The following NHLH1 variants were observed in gnomAD, a reference collection of about 807,000 sequenced individuals.
NHLH1 encodes the protein helix-loop-helix protein 1.
A neutral mutation model predicts 6.7 loss-of-function variants in NHLH1; 3 were observed. That is an observed-to-expected ratio of 0.44 (90% confidence interval 0.20 to 1.15). NHLH1 has a LOEUF of 1.15. NHLH1 is among the 50% of genes most tolerant of loss of function. NHLH1 has a pLI of 0.26. For synonymous variants in NHLH1, 92 were observed against 84.2 expected (o/e 1.09, Z -0.51); for missense variants, 177 against 189.5 (o/e 0.93, Z 0.39).
rs1649618775 is a variant in NHLH1 at position 160,371,192 on chromosome 1, T to G, written c.*59T>G. ...GGGGCCCCTTTCCACCGCTCACTGC[T>G]TAGAAAGGCCGCATCCTCCCCGAGC... On this transcript the variant is annotated 3_prime_UTR_variant, in exon 2 of 2. Coordinates refer to ENST00000302101, the MANE Select transcript of NHLH1 (RefSeq NM_005598.4). The G allele has an allele frequency of 6.5e-7, 1 of 1,537,180 alleles. No homozygotes were observed. Among genetic ancestry groups the G allele is most frequent in the African/African-American group, 1.4e-5 (1 of 71,632 alleles).
chr1:160,370,657 C>A lies in NHLH1; in HGVS notation c.-75C>A. 6.7e-7 allele frequency: 1 copy of A among 1,492,658 alleles called. No homozygotes were observed. Among genetic ancestry groups the A allele is most frequent in the Non-Finnish European group, 9.2e-7 (1 of 1,091,546 alleles). 92.5% of individuals were successfully genotyped at this position (1,492,658 alleles called of 1,614,324 possible). ...CCTTCCTCCCCCTTCCTCCCCCTCC[C>A]ACCACCAGCTTTCAAGCTCCCAGAG... On this transcript the variant is annotated 5_prime_UTR_variant, in exon 2 of 2. Coordinates refer to ENST00000302101, the MANE Select transcript of NHLH1 (RefSeq NM_005598.4).
rs769795974 is a variant in NHLH1 at position 160,370,887 on chromosome 1, G to T, written c.156G>T (p.Glu52Asp). ...GGQARGPEPG[E>D]PGRKDLQHLS... ...AGGCCCGAGGCCCAGAGCCGGGAGA[G>T]CCTGGCCGGAAAGACCTGCAGCATC... The change falls in exon 2 of 2, where the codon GAG becomes GAT. Residue 52 changes from glutamate to aspartate, a missense_variant. Transcript: ENST00000302101. 4 of 1,606,738 alleles carry T rather than the reference G, an allele frequency of 2.5e-6. No homozygotes were observed. Among genetic ancestry groups the T allele is most frequent in the Non-Finnish European group, 3.4e-6 (4 of 1,176,780 alleles).
At position 160,371,217 on chromosome 1, in the gene NHLH1, C is replaced by A; in HGVS notation, c.*84C>A. ...TTAGAAAGGCCGCATCCTCCCCGAG[C>A]CCTTATACCTTGGCATGGAGTCCCA... On this transcript the variant is annotated 3_prime_UTR_variant, in exon 2 of 2. Coordinates refer to ENST00000302101, the MANE Select transcript of NHLH1 (RefSeq NM_005598.4). 2.0e-6 allele frequency: 3 copies of A among 1,510,756 alleles called. No individual in the cohort carries two copies. The highest frequency in any genetic ancestry group is 2.7e-6 in the Non-Finnish European group (3 of 1,131,852). The allele number at this position is 1,510,756 out of a possible 1,614,324, so 93.6% of individuals were successfully genotyped here.
At chr1:160,367,599 C>G (rs1324602787) in intron 1 of NHLH1, among the ~76,000 whole-genome samples, 1 of 152,220 alleles carries the variant, frequency 6.6e-6, no homozygotes, top group East Asian at 1.9e-4. Flanking sequence ...GACCCTGGAA[C>G]TTTGAGACCA....
chr1:160,371,490 A>C lies in NHLH1; in HGVS notation c.*357A>C. On this transcript the variant is annotated 3_prime_UTR_variant, in exon 2 of 2. Transcript: ENST00000302101. ...CTGCCTCTTCTACCCCTATGTCCAA[A>C]TTTTCAGCCACCACAGACCTCAGCT... is the stretch of plus-strand genomic sequence containing the variant. The C allele has an allele frequency of 9.6e-6, 2 of 207,790 alleles. No individual in the cohort carries two copies. The highest frequency in any genetic ancestry group is 1.1e-4 in the Admixed American group (2 of 17,640). 12.9% of individuals were successfully genotyped at this position (207,790 alleles called of 1,614,324 possible).
At position 160,371,947 on chromosome 1, in the gene NHLH1, G is replaced by A. The variant is rs925403104; in HGVS notation, c.*814G>A. On this transcript the variant is annotated 3_prime_UTR_variant, in exon 2 of 2. Transcript: ENST00000302101. ...TAGGGGATGACATCCCAAACAGCCC[G>A]GAGTATTTGCAGAAGGCTCAGGCAA... 3 of 166,508 alleles carry A rather than the reference G, an allele frequency of 1.8e-5. No individual in the cohort carries two copies. Among genetic ancestry groups the A allele is most frequent in the African/African-American group, 4.8e-5 (2 of 41,260 alleles). 10.3% of individuals were successfully genotyped at this position (166,508 alleles called of 1,614,324 possible). A position where few individuals can be genotyped will look rare whatever the true frequency, so the allele number is the denominator to read the frequency against.
At position 160,370,581 on chromosome 1, in the gene NHLH1, G is replaced by A; in HGVS notation, c.-151G>A. On this transcript the variant is annotated 5_prime_UTR_variant, in exon 2 of 2. The change abolishes an upstream ATG in the 5' untranslated region. Transcript: ENST00000302101. ...GGCTTCAGACTGGCACCCTGACCATGGAACCCTGAAGTGGCAGTGACTTCT... is the reference window on the plus strand; with the variant it reads ...GGCTTCAGACTGGCACCCTGACCATAGAACCCTGAAGTGGCAGTGACTTCT... 1 of 677,540 alleles carries A rather than the reference G, an allele frequency of 1.5e-6. No homozygotes were observed. The highest frequency in any genetic ancestry group is 1.9e-5 in the South Asian group (1 of 51,940). The allele number at this position is 677,540 out of a possible 1,614,324, so 42.0% of individuals were successfully genotyped here. A position where few individuals can be genotyped will look rare whatever the true frequency, so the allele number is the denominator to read the frequency against.
chr1:160,370,902 C>T lies in NHLH1; in HGVS notation c.171C>T (p.Asp57=). 6.2e-7 allele frequency: 1 copy of T among 1,607,908 alleles called. No homozygotes were observed. Among genetic ancestry groups the T allele is most frequent in the Non-Finnish European group, 8.5e-7 (1 of 1,177,046 alleles). Residue 57 remains aspartate (D), a synonymous_variant, in exon 2 of 2, where the codon GAC becomes GAT. Coordinates refer to ENST00000302101, the MANE Select transcript of NHLH1 (RefSeq NM_005598.4). ...GPEPGEPGRK[D]LQHLSREERR... is the part of the protein sequence containing the mutation. Reference sequence around the variant, plus strand: ...AGCCGGGAGAGCCTGGCCGGAAAGACCTGCAGCATCTGAGCCGCGAGGAGC... The same window carrying T: ...AGCCGGGAGAGCCTGGCCGGAAAGATCTGCAGCATCTGAGCCGCGAGGAGC...
At position 160,367,248 on chromosome 1, in the gene NHLH1, C is replaced by T. The variant is rs115246437; in HGVS notation, c.-265C>T. ...GAAAGCTGGTCACTAACTTTGCAGA[C>T]GGATGAGCCTTGAGCACCCAGAGGA... On this transcript the variant is annotated 5_prime_UTR_variant, in exon 1 of 2. In the 5' UTR this introduces an upstream ATG that the reference lacks. Coordinates refer to ENST00000302101, the MANE Select transcript of NHLH1 (RefSeq NM_005598.4). 5.3e-3 allele frequency: 814 copies of T among 152,580 alleles called. 1 individual carries two copies. The highest frequency in any genetic ancestry group is 8.9e-3 in the Non-Finnish European group (606 of 68,268). 9.5% of individuals were successfully genotyped at this position (152,580 alleles called of 1,614,324 possible).
Position 160,370,656 on chromosome 1 carries a change from C to T in NHLH1, c.-76C>T. On this transcript the variant is annotated 5_prime_UTR_variant, in exon 2 of 2. Transcript: ENST00000302101. Reference sequence around the variant, plus strand: ...CCCTTCCTCCCCCTTCCTCCCCCTCCCACCACCAGCTTTCAAGCTCCCAGA... The same window carrying T: ...CCCTTCCTCCCCCTTCCTCCCCCTCTCACCACCAGCTTTCAAGCTCCCAGA... 6.7e-7 allele frequency: 1 copy of T among 1,487,054 alleles called. No homozygotes were observed. Among genetic ancestry groups the T allele is most frequent in the South Asian group, 1.2e-5 (1 of 81,316 alleles). The allele number at this position is 1,487,054 out of a possible 1,614,324, so 92.1% of individuals were successfully genotyped here.
intron 1 of NHLH1, among the ~76,000 whole-genome samples, chr1:160,369,437 G>A (rs973436173): frequency 1.3e-5 from 2 of 152,112 alleles, no homozygotes; most frequent in Non-Finnish European, 2.9e-5. Flanking sequence ...TACTTTATTT[G>A]TATATATACC....
At position 160,367,171 on chromosome 1, in the gene NHLH1, C is replaced by T. The variant is rs753945769; in HGVS notation, c.-342C>T. ...CTACACCCCCACAATGTGTACCCCTCTTATCTGCCCTGGAGCCTGTACAGC... is the reference window on the plus strand; with the variant it reads ...CTACACCCCCACAATGTGTACCCCTTTTATCTGCCCTGGAGCCTGTACAGC... On this transcript the variant is annotated 5_prime_UTR_variant, in exon 1 of 2. Coordinates refer to ENST00000302101, the MANE Select transcript of NHLH1 (RefSeq NM_005598.4). 1 of 152,604 alleles carries T rather than the reference C, an allele frequency of 6.6e-6. No individual in the cohort carries two copies. The highest frequency in any genetic ancestry group is 1.5e-5 in the Non-Finnish European group (1 of 68,364). The allele number at this position is 152,604 out of a possible 1,614,324, so 9.5% of individuals were successfully genotyped here. A position where few individuals can be genotyped will look rare whatever the true frequency, so the allele number is the denominator to read the frequency against.
chr1:160,370,626 C>A lies in NHLH1; in HGVS notation c.-106C>A. On this transcript the variant is annotated 5_prime_UTR_variant, in exon 2 of 2. Coordinates refer to ENST00000302101, the MANE Select transcript of NHLH1 (RefSeq NM_005598.4). ...ACTTCTAGAGCTCAGTGGCAGACCC[C>A]ACGACCCTTCCTCCCCCTTCCTCCC... 8.7e-7 allele frequency: 1 copy of A among 1,145,680 alleles called. No individual in the cohort carries two copies. Among genetic ancestry groups the A allele is most frequent in the Non-Finnish European group, 1.3e-6 (1 of 796,990 alleles). The allele number at this position is 1,145,680 out of a possible 1,614,324, so 71.0% of individuals were successfully genotyped here.
chr1:160,370,674 C>T lies in NHLH1; in HGVS notation c.-58C>T, dbSNP rs1274868656. The T allele has an allele frequency of 1.9e-6, 3 of 1,566,850 alleles. No homozygotes were observed. In the East Asian group the frequency reaches 6.8e-5, roughly 36 times the overall value. ...CCCCCTCCCACCACCAGCTTTCAAG[C>T]TCCCAGAGGGAGGGGTGGGGAGGGG... On this transcript the variant is annotated 5_prime_UTR_variant, in exon 2 of 2. Transcript: ENST00000302101.
In NHLH1 at chr1:160,368,815, G is replaced by A. The variant is rs541413226; in HGVS notation, c.-176+1478G>A. Among the ~76,000 whole-genome samples, 3 of 152,278 alleles carry A rather than the reference G, an allele frequency of 2.0e-5. No individual in the cohort carries two copies. In the South Asian group the frequency reaches 6.2e-4, roughly 32 times the overall value. ...GCAAGGGTGGAGAGGGGCCCTGAGA[G>A]GGAGGGGACCACAGGGCCAAGGCTT... On this transcript the variant is annotated intron_variant, in intron 1 of 1. Transcript: ENST00000302101.
Position 160,372,380 on chromosome 1 carries a change from T to G in NHLH1, c.*1247T>G, listed in dbSNP as rs1649647987. ...ATTCATCTATTTATTTACTTATTTA[T>G]TTATTTATAAATATTGCTATTTATT... On this transcript the variant is annotated 3_prime_UTR_variant, in exon 2 of 2. Coordinates refer to ENST00000302101, the MANE Select transcript of NHLH1 (RefSeq NM_005598.4). 1 of 166,390 alleles carries G rather than the reference T, an allele frequency of 6.0e-6. No homozygotes were observed. The highest frequency in any genetic ancestry group is 1.5e-5 in the Non-Finnish European group (1 of 68,002). The allele number at this position is 166,390 out of a possible 1,614,324, so 10.3% of individuals were successfully genotyped here.
rs1282883956 is a variant in NHLH1 at position 160,370,769 on chromosome 1, C to A, written c.38C>A (p.Pro13Gln). The stretch of plus-strand genomic sequence containing the variant: ...TCAGACACCATGGAGCTGGACCTGC[C>A]GCCCACCCACTCAGAGACTGAGTCG... ...LNSDTMELDL[P>Q]PTHSETESGF... is the part of the protein sequence containing the mutation. Residue 13 changes from proline (P) to glutamine (Q), a missense_variant, in exon 2 of 2, where the codon CCG (proline) becomes CAG (glutamine). Pro to Gln is a moderately conservative substitution (Grantham distance 76, BLOSUM62 -1). Coordinates refer to ENST00000302101, the MANE Select transcript of NHLH1 (RefSeq NM_005598.4). 6.2e-7 allele frequency: 1 copy of A among 1,612,844 alleles called. No homozygotes were observed. The highest frequency in any genetic ancestry group is 1.7e-5 in the Admixed American group (1 of 59,976).
intron 1 of NHLH1, among the ~76,000 whole-genome samples, chr1:160,369,693 T>G (rs1649580769): frequency 6.6e-6 from 1 of 152,222 alleles, no homozygotes; most frequent in Non-Finnish European, 1.5e-5. Flanking sequence ...ATTAGTGATG[T>G]TGAACATTTT....
At position 160,370,651 on chromosome 1, in the gene NHLH1, C is replaced by A; in HGVS notation, c.-81C>A. 1.4e-6 allele frequency: 2 copies of A among 1,445,836 alleles called. No homozygotes were observed. The highest frequency in any genetic ancestry group is 1.3e-5 in the South Asian group (1 of 79,288). The allele number at this position is 1,445,836 out of a possible 1,614,324, so 89.6% of individuals were successfully genotyped here. On this transcript the variant is annotated 5_prime_UTR_variant, in exon 2 of 2. Coordinates refer to ENST00000302101, the MANE Select transcript of NHLH1 (RefSeq NM_005598.4). ...CACGACCCTTCCTCCCCCTTCCTCCCCCTCCCACCACCAGCTTTCAAGCTC... is the reference window on the plus strand; with the variant it reads ...CACGACCCTTCCTCCCCCTTCCTCCACCTCCCACCACCAGCTTTCAAGCTC...
Sources: gnomAD v4.1 joint callset for allele counts (sites outside exome capture counted in the v4.1 genomes callset) on GRCh38, gnomAD v4.1.1 for gene constraint, MANE v1.5 for transcripts, NCBI Gene and HGNC (gene_info 2026-07-23, HGNC 2026-07-21) for gene names.